Variants in ANO3 observed in about 807,000 individuals in gnomAD.
ANO3 encodes the protein anoctamin 3, also known as anoctamin-3.
ANO3 carries 99 observed loss-of-function variants against 144.8 expected under a neutral mutation model. The ratio of observed to expected loss-of-function variants is 0.68; its 90% CI spans 0.58 to 0.81. The LOEUF is 0.81. Ranked by LOEUF, ANO3 falls within the 30% of genes least tolerant of loss-of-function variation. The probability of loss-of-function intolerance (pLI) is 0.00; values close to 1 mark genes in which losing one functional copy is unlikely to be tolerated. For missense variants in ANO3, 905 were observed against 1,202.2 expected (o/e 0.75, Z 3.66); for synonymous variants, 414 against 392.6 (o/e 1.05, Z -0.64).
chr11:26,345,347 G>A (rs1206604758), intron 1 of ANO3, among the ~76,000 whole-genome samples: 2 of 152,142 alleles, frequency 1.3e-5, no homozygotes, highest in Non-Finnish European at 2.9e-5. Flanking sequence ...CTGAGGTCAG[G>A]AGTTCAAGAC....
chr11:26,557,233 G>A (rs903342967), intron 13 of ANO3, among the ~76,000 whole-genome samples: 4 of 151,984 alleles, frequency 2.6e-5, no homozygotes, highest in South Asian at 2.1e-4. Context: ...AGGCCGAGGC[G>A]GGCGGATCAC....
chr11:26,662,075 T>C lies in ANO3; in HGVS notation c.*1631T>C, dbSNP rs948987208. 2 of 152,100 alleles carry C rather than the reference T, an allele frequency of 1.3e-5. No individual in the cohort carries two copies. Among genetic ancestry groups the C allele is most frequent in the Non-Finnish European group, 2.9e-5 (2 of 68,002 alleles). The allele number at this position is 152,100 out of a possible 1,614,324, so 9.4% of individuals were successfully genotyped here. ...TATTTCTCTAGTAAGATTATGTTTCTCTTACTAGAAAACTATTTTCTAAAT... is the reference window on the plus strand; with the variant it reads ...TATTTCTCTAGTAAGATTATGTTTCCCTTACTAGAAAACTATTTTCTAAAT... On this transcript the variant is annotated 3_prime_UTR_variant, in exon 27 of 27. Coordinates refer to ENST00000256737, the MANE Select transcript of ANO3 (RefSeq NM_031418.4).
chr11:26,545,557 C>T (rs1303038253), intron 11 of ANO3, among the ~76,000 whole-genome samples: 4 of 151,906 alleles, frequency 2.6e-5, no homozygotes, highest in Non-Finnish European at 5.9e-5. Context: ...TAAAAAATTA[C>T]ACAATAGGTA....
chr11:26,320,948 T>C (rs1032375479), intron 1 of ANO3, among the ~76,000 whole-genome samples: 2 of 152,118 alleles, frequency 1.3e-5, no homozygotes, highest in African/African-American at 4.8e-5. Flanking sequence ...CTGATATGCT[T>C]GGCTGGATTC....
chr11:26,403,030 T>C (rs1565004345), intron 1 of ANO3, among the ~76,000 whole-genome samples: 2 of 151,924 alleles, frequency 1.3e-5, no homozygotes, highest in African/African-American at 4.8e-5. Context: ...TTACAACTTA[T>C]TCGATGGACC....
intron 14 of ANO3, among the ~76,000 whole-genome samples, chr11:26,596,727 T>G (rs2132917492): frequency 6.6e-6 from 1 of 152,308 alleles, no homozygotes; most frequent in South Asian, 2.1e-4. Context: ...GGGGCTACAC[T>G]TTCAAGAAAG....
intron 1 of ANO3, among the ~76,000 whole-genome samples, chr11:26,253,631 T>C (rs867531894): frequency 6.6e-6 from 1 of 151,708 alleles, no homozygotes; most frequent in African/African-American, 2.4e-5. Flanking sequence ...TGGTTTGAAA[T>C]AAGCTTAAGA....
chr11:26,565,956 G>A, intron 14 of ANO3: 1 of 1,373,032 alleles, frequency 7.3e-7, no homozygotes, highest in Non-Finnish European at 9.7e-7. Flanking sequence ...TTTTTAAATG[G>A]ATCTATATAT....
chr11:26,553,639 A>G (rs113318962), intron 13 of ANO3, among the ~76,000 whole-genome samples: 36 of 152,218 alleles, frequency 2.4e-4, no homozygotes, highest in African/African-American at 8.2e-4. Flanking sequence ...AATTACTTCT[A>G]TTGCTACTTA....
At chr11:26,534,766 T>C (rs925435968) in intron 9 of ANO3, among the ~76,000 whole-genome samples, 8 of 152,154 alleles carry the variant, frequency 5.3e-5, no homozygotes, top group Admixed American at 5.2e-4. Flanking sequence ...GTCATAGATA[T>C]CAAAACGTGA....
At chr11:26,364,729 AT>A (rs368668295) in intron 1 of ANO3, among the ~76,000 whole-genome samples, 337 of 152,328 alleles carry the variant, frequency 2.2e-3, no homozygotes, top group Non-Finnish European at 4.0e-3. Flanking sequence ...TAAATCATTC[AT>A]GAGAAATCCA....
At chr11:26,275,264 T>C (rs762195543) in intron 1 of ANO3, among the ~76,000 whole-genome samples, 7 of 152,106 alleles carry the variant, frequency 4.6e-5, no homozygotes, top group Non-Finnish European at 1.0e-4. Flanking sequence ...AAATGTTTTC[T>C]TACTCAATAG....
intron 14 of ANO3, among the ~76,000 whole-genome samples, chr11:26,588,145 C>T (rs750309569): frequency 2.0e-5 from 3 of 152,114 alleles, no homozygotes; most frequent in East Asian, 1.9e-4. Flanking sequence ...GTATAACCAC[C>T]GTCACCCCTG....
intron 23 of ANO3, 41 bp downstream of exon 23, chr11:26,643,375 C>A (rs1374093359): frequency 2.5e-6 from 4 of 1,607,604 alleles, no homozygotes; most frequent in East Asian, 2.2e-5. Flanking sequence ...TTGCTAACAC[C>A]AATAGGTTGC....
intron 26 of ANO3, among the ~76,000 whole-genome samples, chr11:26,657,840 C>T (rs769594676): frequency 1.6e-4 from 25 of 152,124 alleles, no homozygotes; most frequent in Admixed American, 5.9e-4. Context: ...TTCTGTCTTC[C>T]GTATGATATT....
intron 1 of ANO3, among the ~76,000 whole-genome samples, chr11:26,246,202 C>T (rs1852789762): frequency 6.6e-6 from 1 of 151,982 alleles, no homozygotes; most frequent in Non-Finnish European, 1.5e-5. Context: ...CATATTTATT[C>T]TTTCTGAAGG....
chr11:26,303,219 T>C (rs1429640572), intron 1 of ANO3, among the ~76,000 whole-genome samples: 1 of 152,138 alleles, frequency 6.6e-6, no homozygotes, highest in South Asian at 2.1e-4. Context: ...AATAAATCGT[T>C]CTGCCAAAAA....
chr11:26,594,132 T>C (rs1305385117), intron 14 of ANO3, among the ~76,000 whole-genome samples: 1 of 152,210 alleles, frequency 6.6e-6, no homozygotes, highest in Admixed American at 6.5e-5. Context: ...TGTGTTATAG[T>C]GGACATCATT....
intron 1 of ANO3, among the ~76,000 whole-genome samples, chr11:26,201,702 T>C (rs1455874402): frequency 6.6e-6 from 1 of 151,742 alleles, no homozygotes; most frequent in Non-Finnish European, 1.5e-5. Context: ...ATGAATGTCA[T>C]GATAGTGGAG....
Sources: allele counts gnomAD v4.1 joint callset (sites outside exome capture counted in the v4.1 genomes callset), GRCh38; gene constraint gnomAD v4.1.1; transcripts MANE v1.5; gene names NCBI Gene and HGNC (gene_info 2026-07-23, HGNC 2026-07-21).